Variants in EPHB1 observed in about 807,000 individuals in gnomAD.
EPHB1 encodes the protein EPH receptor B1.
A neutral mutation model predicts 94.4 loss-of-function variants in EPHB1; 30 were observed. That is an observed-to-expected ratio of 0.32 (90% CI 0.24 to 0.43). The LOEUF is 0.43. EPHB1 is among the 20% of genes least tolerant of loss of function. The pLI is 1.00. For synonymous variants in EPHB1, 522 were observed against 489.1 expected, an observed-to-expected ratio of 1.07 and a Z score of -0.89; for missense variants, 1,055 against 1,308.3, an observed-to-expected ratio of 0.81 and a Z score of 2.99.
intron 3 of EPHB1, among the ~76,000 whole-genome samples, chr3:135,041,352 C>T (rs1054839370): frequency 1.3e-5 from 2 of 152,142 alleles, no homozygotes; most frequent in Non-Finnish European, 2.9e-5. Context: ...GTCTGGGGGG[C>T]CTTCTGTGAC....
intron 1 of EPHB1, among the ~76,000 whole-genome samples, chr3:134,905,238 C>T (rs2038293962): frequency 6.6e-6 from 1 of 152,222 alleles, no homozygotes; most frequent in South Asian, 2.1e-4. Context: ...CCACTTTCCT[C>T]TTTGGAGCTA....
chr3:134,969,186 T>G (rs1933878596), intron 3 of EPHB1, among the ~76,000 whole-genome samples: 1 of 152,226 alleles, frequency 6.6e-6, no homozygotes, highest in Non-Finnish European at 1.5e-5. Flanking sequence ...TTATCAGTAT[T>G]TTTTATCTTA....
At chr3:134,835,493 A>G (rs2036657592) in intron 1 of EPHB1, among the ~76,000 whole-genome samples, 1 of 152,144 alleles carries the variant, frequency 6.6e-6, no homozygotes, top group Admixed American at 6.5e-5. Context: ...CTTTACTTGC[A>G]TTGTTTTGAA....
At chr3:135,155,745 A>G (rs1941332452) in intron 6 of EPHB1, among the ~76,000 whole-genome samples, 2 of 137,776 alleles carry the variant, frequency 1.5e-5, no homozygotes, top group South Asian at 4.7e-4. Context: ...AGCCTAGATC[A>G]CACCACTGCA....
chr3:134,883,379 C>T (rs987765880), intron 1 of EPHB1, among the ~76,000 whole-genome samples: 6 of 152,268 alleles, frequency 3.9e-5, no homozygotes, highest in South Asian at 2.1e-4. Context: ...TGATTTGAAC[C>T]CAGGCTGACC....
In EPHB1 at chr3:135,183,234, C is replaced by T. The variant is rs1345208673; in HGVS notation, c.1882+3252C>T. Among the ~76,000 whole-genome samples, 16 of 111,462 alleles carry T rather than the reference C, an allele frequency of 1.4e-4. No homozygotes were observed. The South Asian group carries it at 1.5e-3, about 10-fold the overall frequency. The allele number at this position is 111,462 out of a possible 152,430, so 73.1% of individuals were successfully genotyped here. ...TCCCTTCCTCCCTCCCTCCCTTCCT[C>T]CCTCCCTCCCTTTCTTCCTTCCTTC... On this transcript the variant is annotated intron_variant, in intron 10 of 15. Transcript: ENST00000398015.
chr3:135,146,536 C>A (rs150459100), intron 5 of EPHB1, among the ~76,000 whole-genome samples: 2 of 152,156 alleles, frequency 1.3e-5, no homozygotes, highest in African/African-American at 4.8e-5. Flanking sequence ...CAGAGTCACT[C>A]GGTCTCCTTA....
intron 12 of EPHB1, among the ~76,000 whole-genome samples, chr3:135,239,755 C>T (rs1943736831): frequency 6.6e-6 from 1 of 152,224 alleles, no homozygotes; most frequent in Admixed American, 6.5e-5. Flanking sequence ...CTCCCTGCTT[C>T]AGCCATTGTG....
intron 15 of EPHB1, among the ~76,000 whole-genome samples, chr3:135,253,628 G>A (rs1218369392): frequency 2.7e-5 from 4 of 147,046 alleles, no homozygotes; most frequent in African/African-American, 1.0e-4. Context: ...TTGTAGTATA[G>A]TTTGAAGTCA....
intron 12 of EPHB1, among the ~76,000 whole-genome samples, chr3:135,212,052 A>G (rs1468552565): frequency 6.6e-6 from 1 of 151,932 alleles, no homozygotes; most frequent in Non-Finnish European, 1.5e-5. Context: ...TTTCAGGTCT[A>G]CTTTCAAACT....
intron 12 of EPHB1, among the ~76,000 whole-genome samples, chr3:135,205,221 T>C (rs1221719968): frequency 6.6e-6 from 1 of 152,220 alleles, no homozygotes; most frequent in Non-Finnish European, 1.5e-5. Context: ...GACATTGATA[T>C]CTTTTCACAT....
At chr3:134,799,781 G>A (rs6805750) in intron 1 of EPHB1, among the ~76,000 whole-genome samples, 3,724 of 152,256 alleles carry the variant, frequency 0.024, 134 homozygotes, top group African/African-American at 0.084. Flanking sequence ...AATGGGTACC[G>A]ATGACCAAGA....
At chr3:134,919,841 G>GT (rs1560296888) in intron 1 of EPHB1, among the ~76,000 whole-genome samples, 117 of 149,744 alleles carry the variant, frequency 7.8e-4, no homozygotes, top group East Asian at 3.4e-3. Context: ...TTAGGGCAGG[G>GT]GTGTGTGTGT....
chr3:134,983,036 C>T (rs1044996228), intron 3 of EPHB1, among the ~76,000 whole-genome samples: 5 of 152,132 alleles, frequency 3.3e-5, no homozygotes, highest in Non-Finnish European at 7.3e-5. Context: ...TATCTGGTGC[C>T]GGAGCCTTAG....
intron 3 of EPHB1, among the ~76,000 whole-genome samples, chr3:135,051,781 G>A (rs1257362684): frequency 2.0e-5 from 3 of 152,098 alleles, no homozygotes; most frequent in Admixed American, 1.3e-4. Flanking sequence ...GAAGTTAAAC[G>A]GCAGAGAAGG....
chr3:134,796,540 C>T (rs2035830816), intron 1 of EPHB1: 1 of 152,266 alleles, frequency 6.6e-6, no homozygotes, highest in Admixed American at 6.5e-5. Context: ...AAGCGCGCTC[C>T]AAAGACACCG....
At chr3:135,184,489 C>T (rs1942277086) in intron 10 of EPHB1, among the ~76,000 whole-genome samples, 1 of 152,162 alleles carries the variant, frequency 6.6e-6, no homozygotes, top group South Asian at 2.1e-4. Context: ...GCTCAAAGTT[C>T]TATGGGAGCA....
At chr3:135,205,041 T>C (rs1385066769) in intron 12 of EPHB1, among the ~76,000 whole-genome samples, 2 of 151,860 alleles carry the variant, frequency 1.3e-5, no homozygotes, top group Non-Finnish European at 2.9e-5. Flanking sequence ...TGAGAACATT[T>C]AATGTTTATC....
intron 12 of EPHB1, among the ~76,000 whole-genome samples, chr3:135,239,186 G>T (rs796264953): frequency 1.9e-4 from 29 of 152,308 alleles, no homozygotes; most frequent in African/African-American, 7.0e-4. Flanking sequence ...CTTCTTTGCA[G>T]AAAGTGGGAT....
Sources: gnomAD v4.1 joint callset for allele counts (sites outside exome capture counted in the v4.1 genomes callset) on GRCh38, gnomAD v4.1.1 for gene constraint, MANE v1.5 for transcripts, NCBI Gene and HGNC (gene_info 2026-07-23, HGNC 2026-07-21) for gene names.